Variants in DDX10 observed in about 807,000 individuals in gnomAD.
DDX10 encodes DEAD-box helicase 10.
Under a neutral mutation model 104.3 loss-of-function variants are expected in DDX10, and 74 were observed. The ratio of observed to expected loss-of-function variants is 0.71; its 90% CI spans 0.59 to 0.86. The LOEUF is 0.86. Ranked by LOEUF, DDX10 falls within the 40% of genes least tolerant of loss-of-function variation. The probability of loss-of-function intolerance (pLI) is 0.00; values close to 1 mark genes in which losing one functional copy is unlikely to be tolerated. For missense variants in DDX10, 952 were observed against 1,040.0 expected (o/e 0.92, Z 1.16); for synonymous variants, 351 against 353.4 (o/e 0.99, Z 0.08).
chr11:108,706,263 C>CACCCGGCCGAACAGATCTATTTCTTA (rs1715473897), intron 9 of DDX10, among the ~76,000 whole-genome samples: 2 of 152,170 alleles, frequency 1.3e-5, no homozygotes, highest in Non-Finnish European at 2.9e-5. Flanking sequence ...TGAGCCACCG[C>CACCCGGCCGAACAGATCTATTTCTTA]ACCCGGCCGA....
At chr11:108,681,158 T>G (rs2094234499) in intron 6 of DDX10, among the ~76,000 whole-genome samples, 1 of 152,212 alleles carries the variant, frequency 6.6e-6, no homozygotes, top group Non-Finnish European at 1.5e-5. Flanking sequence ...TCTAAGACCT[T>G]TCATAATTTA....
chr11:108,777,524 T>C (rs764691692), intron 13 of DDX10, among the ~76,000 whole-genome samples: 6 of 152,112 alleles, frequency 3.9e-5, no homozygotes, highest in Non-Finnish European at 8.8e-5. Flanking sequence ...GGTTTCACCA[T>C]GTTGGCCAGG....
chr11:108,910,971 G>A (rs1000294500), intron 16 of DDX10, among the ~76,000 whole-genome samples: 4 of 152,064 alleles, frequency 2.6e-5, no homozygotes, highest in South Asian at 2.1e-4. Context: ...ATAATCAGTC[G>A]GCCACATGTT....
intron 15 of DDX10, among the ~76,000 whole-genome samples, chr11:108,849,104 C>A (rs1255372335): frequency 6.6e-6 from 1 of 151,966 alleles, no homozygotes; most frequent in East Asian, 1.9e-4. Context: ...GATTGGAGAA[C>A]CTTGTTGTGT....
At chr11:108,695,030 C>A (rs1291345086) in intron 9 of DDX10, among the ~76,000 whole-genome samples, 4 of 152,184 alleles carry the variant, frequency 2.6e-5, no homozygotes, top group Non-Finnish European at 5.9e-5. Flanking sequence ...GGGAGGTATA[C>A]ATTCTTGGTG....
intron 1 of DDX10, among the ~76,000 whole-genome samples, chr11:108,666,741 C>T (rs778052863): frequency 7.9e-5 from 12 of 152,158 alleles, no homozygotes; most frequent in Non-Finnish European, 1.3e-4. Context: ...GTTATAAGGG[C>T]GCTTACGATT....
chr11:108,671,887 G>A (rs954419434), intron 1 of DDX10, among the ~76,000 whole-genome samples: 8 of 151,746 alleles, frequency 5.3e-5, no homozygotes, highest in Admixed American at 3.9e-4. Flanking sequence ...ATGAAACCCC[G>A]TCTCTACTAA....
chr11:108,790,564 C>T (rs1861856961), intron 13 of DDX10, among the ~76,000 whole-genome samples: 2 of 152,100 alleles, frequency 1.3e-5, no homozygotes, highest in African/African-American at 4.8e-5. Flanking sequence ...ATGCATTCTC[C>T]CTTAACTAAC....
chr11:108,783,212 T>A (rs186478075), intron 13 of DDX10, among the ~76,000 whole-genome samples: 91 of 152,304 alleles, frequency 6.0e-4, no homozygotes, highest in East Asian at 3.7e-3. Flanking sequence ...GTTTCAGTCA[T>A]CTTTATACAT....
chr11:108,735,883 T>G (rs1051116245), intron 13 of DDX10, among the ~76,000 whole-genome samples: 1 of 152,074 alleles, frequency 6.6e-6, no homozygotes, highest in African/African-American at 2.4e-5. Context: ...CTTCAGTAAA[T>G]TAAGTGGGAA....
At chr11:108,800,275 C>CAAAAAAAA (rs5794604) in intron 13 of DDX10, among the ~76,000 whole-genome samples, 1 of 106,214 alleles carries the variant, frequency 9.4e-6, no homozygotes, top group African/African-American at 3.7e-5. Context: ...ACTAAAAATA[C>CAAAAAAAA]AAAAAAAAAA....
At chr11:108,851,675 C>T (rs900757214) in intron 15 of DDX10, among the ~76,000 whole-genome samples, 2 of 152,008 alleles carry the variant, frequency 1.3e-5, no homozygotes, top group Non-Finnish European at 2.9e-5. Context: ...GAATGTATCG[C>T]AAAAAGCACT....
intron 17 of DDX10, among the ~76,000 whole-genome samples, chr11:108,936,825 A>G (rs1864043125): frequency 6.6e-6 from 1 of 152,236 alleles, no homozygotes; most frequent in South Asian, 2.1e-4. Flanking sequence ...TCCCAGAAGA[A>G]AAATTGCCAG....
intron 6 of DDX10, among the ~76,000 whole-genome samples, chr11:108,682,164 G>A (rs374560303): frequency 1.3e-5 from 2 of 152,180 alleles, no homozygotes; most frequent in Admixed American, 6.5e-5. Flanking sequence ...GAGTGCAGTG[G>A]CATGATCTCG....
chr11:108,831,674 CT>C lies in DDX10; in HGVS notation c.1966-6768del, dbSNP rs1211762569. 2.6e-5 allele frequency among the ~76,000 whole-genome samples: 4 copies of C among 151,906 alleles called. 1 individual carries two copies. Among genetic ancestry groups the C allele is most frequent in the Non-Finnish European group, 5.9e-5 (4 of 67,942 alleles). On this transcript the variant is annotated intron_variant, in intron 13 of 17. Coordinates refer to ENST00000322536, the MANE Select transcript of DDX10 (RefSeq NM_004398.4). ...AACTTTTATTTTCCTGTGATTTTTG[CT>C]TTTCATTTAAAATATCATTTTTTAA...
rs536325602 is a variant in DDX10, at chr11:108,933,595, G to A, written c.2451-6651G>A. Among the ~76,000 whole-genome samples the A allele has an allele frequency of 7.2e-5, 11 of 152,240 alleles. No homozygotes were observed. The South Asian group carries it at 2.3e-3, about 32-fold the overall frequency. ...CTTAAAAGTATTGTCTCATTTCTCA[G>A]AGCCTGAAGTTATTGGGTACTTCTT... On this transcript the variant is annotated intron_variant, in intron 17 of 17. Coordinates refer to ENST00000322536, the MANE Select transcript of DDX10 (RefSeq NM_004398.4).
chr11:108,909,888 T>C (rs928758193), intron 16 of DDX10, among the ~76,000 whole-genome samples: 3 of 152,036 alleles, frequency 2.0e-5, no homozygotes, highest in East Asian at 1.9e-4. Flanking sequence ...CACGAAGACT[T>C]GAGGTGGAAA....
At chr11:108,707,930 T>G (rs1339676009) in intron 10 of DDX10, among the ~76,000 whole-genome samples, 1 of 152,216 alleles carries the variant, frequency 6.6e-6, no homozygotes, top group Non-Finnish European at 1.5e-5. Context: ...TGGCAGTTAT[T>G]AGTAAACCTG....
intron 13 of DDX10, among the ~76,000 whole-genome samples, chr11:108,735,216 T>C (rs2094316911): frequency 6.6e-6 from 1 of 152,206 alleles, no homozygotes; most frequent in African/African-American, 2.4e-5. Flanking sequence ...TTCTTTACCA[T>C]GAAAGTGTAC....
Sources: allele counts gnomAD v4.1 joint callset (sites outside exome capture counted in the v4.1 genomes callset), GRCh38; gene constraint gnomAD v4.1.1; transcripts MANE v1.5; gene names NCBI Gene and HGNC (gene_info 2026-07-23, HGNC 2026-07-21).